The following UGT2B4 variants were observed in gnomAD, a reference collection of about 807,000 sequenced individuals.
UGT2B4 encodes the protein UDP glucuronosyltransferase family 2 member B4, also known as UDP-glucuronosyltransferase 2B4.
Under a neutral mutation model 49.8 loss-of-function variants are expected in UGT2B4, and 49 were observed. The observed-to-expected ratio is 0.98, with a 90% CI of 0.78 to 1.25. UGT2B4 has a LOEUF of 1.25. UGT2B4 is among the 50% of genes most tolerant of loss of function. The pLI is 0.00. For missense variants in UGT2B4, 729 were observed against 627.7 expected (o/e 1.16, Z -1.73); for synonymous variants, 246 against 217.7 (o/e 1.13, Z -1.14).
At position 69,510,187 on chromosome 4, in the gene UGT2B4, T is replaced by C. The variant is rs541296165; in HGVS notation, c.-105-14221A>G. On this transcript the variant is annotated intron_variant, in intron 1 of 1. Coordinates refer to the UGT2B4 transcript ENST00000510114. The stretch of plus-strand genomic sequence containing the variant: ...TATTTGTGGCTTTATTTTTGGGCTC[T>C]ATATTCTGTGACATAGGTCTATATA... Among the ~76,000 whole-genome samples the C allele has an allele frequency of 5.3e-5, 8 of 152,318 alleles. No homozygotes were observed. In the South Asian group the frequency reaches 1.4e-3, roughly 28 times the overall value.
At chr4:69,508,500 A>C (rs766570732) in intron 1 of UGT2B4, among the ~76,000 whole-genome samples, 6 of 152,186 alleles carry the variant, frequency 3.9e-5, no homozygotes, top group Non-Finnish European at 5.9e-5. Context: ...GTACCTATAC[A>C]CTATAGAATT....
intron 1 of UGT2B4, among the ~76,000 whole-genome samples, chr4:69,524,278 T>C (rs1434607027): frequency 1.3e-5 from 2 of 152,122 alleles, no homozygotes; most frequent in Non-Finnish European, 2.9e-5. Context: ...ATCTTAATAA[T>C]TTCCGACTTT....
chr4:69,507,713 A>G (rs1728510821), intron 1 of UGT2B4, among the ~76,000 whole-genome samples: 1 of 152,172 alleles, frequency 6.6e-6, no homozygotes, highest in African/African-American at 2.4e-5. Flanking sequence ...TCAACTCAAG[A>G]TGGATTAAAG....
intron 5 of UGT2B4, among the ~76,000 whole-genome samples, chr4:69,483,700 T>C (rs1442651263): frequency 6.6e-6 from 1 of 152,144 alleles, no homozygotes; most frequent in Non-Finnish European, 1.5e-5. Context: ...ATAAAAACAT[T>C]ATTAATAGTA....
chr4:69,491,390 A>G (rs1330503625), intron 2 of UGT2B4, among the ~76,000 whole-genome samples: 3 of 152,048 alleles, frequency 2.0e-5, no homozygotes, highest in African/African-American at 4.8e-5. Flanking sequence ...TAAATATTAA[A>G]TATGTACATC....
At chr4:69,514,551 A>G (rs966127733) in intron 1 of UGT2B4, among the ~76,000 whole-genome samples, 9 of 152,156 alleles carry the variant, frequency 5.9e-5, no homozygotes, top group African/African-American at 2.2e-4. Flanking sequence ...TTTCAAAGGA[A>G]AGCCTTCCAG....
upstream of UGT2B4, among the ~76,000 whole-genome samples, chr4:69,500,606 G>GCAAGAAAGCAAGAAAGAAAGA (rs1553896493): frequency 1.8e-4 from 18 of 99,600 alleles, 1 homozygote; most frequent in East Asian, 8.0e-4. Context: ...AGAAAGCAAG[G>GCAAGAAAGCAAGAAAGAAAGA]AAGAAAGAAA....
intron 1 of UGT2B4, among the ~76,000 whole-genome samples, chr4:69,504,642 A>T (rs528077506): frequency 6.6e-6 from 1 of 150,542 alleles, no homozygotes; most frequent in South Asian, 2.1e-4. Context: ...TGCCTGAAAG[A>T]TATGGGGACA....
At chr4:69,521,362 T>C (rs1728845416) in intron 1 of UGT2B4, among the ~76,000 whole-genome samples, 2 of 152,202 alleles carry the variant, frequency 1.3e-5, no homozygotes, top group East Asian at 1.9e-4. Flanking sequence ...ACAACCTCTT[T>C]GGGGCTCTGC....
chr4:69,500,610 A>AAAGCAAG (rs1265749209), upstream of UGT2B4, among the ~76,000 whole-genome samples: 664 of 76,896 alleles, frequency 8.6e-3, 13 homozygotes, highest in Middle Eastern at 0.036. Context: ...AGCAAGGAAG[A>AAAGCAAG]AAGAAAGAAA....
chr4:69,500,552 G>GAAAGAAAGCAAGA (rs1198463839), upstream of UGT2B4, among the ~76,000 whole-genome samples: 1 of 143,390 alleles, frequency 7.0e-6, no homozygotes, highest in Non-Finnish European at 1.5e-5. Context: ...AGAAAGACAA[G>GAAAGAAAGCAAGA]AAAGAAAGCA....
rs767409119 is a variant in UGT2B4 at position 69,493,826 on chromosome 4, A to G, written c.737T>C (p.Leu246Ser). The G allele has an allele frequency of 1.3e-5, 21 of 1,602,576 alleles. No individual in the cohort carries two copies. In the African/African-American group the frequency reaches 2.4e-4, roughly 19 times the overall value. ...GTCAGCTTTTGCCATTGTCTCAGAT[A>G]ACGTAGTGGGTCTTCCTGATGGGGG... is the stretch of plus-strand genomic sequence containing the variant. ...YSEVLGRPTT[L>S]SETMAKADIW... Residue 246 changes from leucine to serine, a missense_variant, in exon 2 of 6, where the codon TTA becomes TCA. By Grantham distance (145) the Leu-to-Ser change is moderately radical (BLOSUM62 -2). Transcript: ENST00000305107.
intron 1 of UGT2B4, among the ~76,000 whole-genome samples, chr4:69,514,010 T>A (rs4484367): frequency 0.023 from 1,366 of 59,748 alleles, 14 homozygotes; most frequent in Middle Eastern, 0.079. Context: ...TTTTTTTTAA[T>A]TTTTTTTTAT....
At chr4:69,496,055 G>A (rs1288237827), upstream of UGT2B4, 16 of 836,556 alleles carry the variant, frequency 1.9e-5, no homozygotes, top group Non-Finnish European at 2.3e-5. Flanking sequence ...ACACAAGTGC[G>A]TTTAATGTTC....
At chr4:69,502,093 CTTTCTTTCTT>C (rs1560438997) in intron 1 of UGT2B4, among the ~76,000 whole-genome samples, 7 of 79,688 alleles carry the variant, frequency 8.8e-5, no homozygotes, top group African/African-American at 4.1e-4. Flanking sequence ...CTTTCTCTCT[CTTTCTTTCTT>C]TCTTTCTTTC....
intron 5 of UGT2B4, among the ~76,000 whole-genome samples, chr4:69,483,406 TACA>T (rs527780217): frequency 2.2e-3 from 331 of 152,288 alleles, no homozygotes; most frequent in African/African-American, 7.4e-3. Flanking sequence ...TATGTTACAT[TACA>T]ACATTACAAT....
chr4:69,492,888 A>G (rs1728032325), intron 2 of UGT2B4, among the ~76,000 whole-genome samples: 1 of 152,076 alleles, frequency 6.6e-6, no homozygotes, highest in African/African-American at 2.4e-5. Flanking sequence ...AGCTCTTTCT[A>G]GTTTGGCCCT....
Position 69,483,607 on chromosome 4 carries a change from G to C in UGT2B4, c.1310+1601C>G, listed in dbSNP as rs891045488. ...CCAATTATTTCCTGTATTCTTTAAA[G>C]GTAGCTTTATCATTCATTATCCTTC... On this transcript the variant is annotated intron_variant, in intron 5 of 5. Coordinates refer to ENST00000305107, the MANE Select transcript of UGT2B4 (RefSeq NM_021139.3). Among the ~76,000 whole-genome samples the C allele has an allele frequency of 2.0e-5, 3 of 151,882 alleles. No individual in the cohort carries two copies. The East Asian group carries it at 5.8e-4, about 29-fold the overall frequency.
chr4:69,524,143 A>T (rs189475052), intron 1 of UGT2B4, among the ~76,000 whole-genome samples: 169 of 152,218 alleles, frequency 1.1e-3, no homozygotes, highest in African/African-American at 3.8e-3. Context: ...CCATTTGTAC[A>T]TTCACTGGAG....
Sources: gnomAD v4.1 joint callset for allele counts (sites outside exome capture counted in the v4.1 genomes callset) on GRCh38, gnomAD v4.1.1 for gene constraint, MANE v1.5 for transcripts, NCBI Gene and HGNC (gene_info 2026-07-23, HGNC 2026-07-21) for gene names.